Variants in PDSS2 observed in about 807,000 individuals in gnomAD.
PDSS2 encodes the protein decaprenyl diphosphate synthase subunit 2, also known as all trans-polyprenyl-diphosphate synthase PDSS2.
A neutral mutation model predicts 44.5 loss-of-function variants in PDSS2; 31 were observed. That is an observed-to-expected ratio of 0.70 (90% confidence interval 0.52 to 0.94). The LOEUF is 0.94. PDSS2 is among the 40% of genes least tolerant of loss of function. The pLI, the probability that PDSS2 is intolerant of heterozygous loss-of-function variation, is 0.00. For synonymous variants in PDSS2, 157 were observed against 180.3 expected (o/e 0.87, Z 1.03); for missense variants, 452 against 482.2 (o/e 0.94, Z 0.59).
At chr6:107,389,943 A>G (rs1779729365) in intron 1 of PDSS2, among the ~76,000 whole-genome samples, 1 of 152,170 alleles carries the variant, frequency 6.6e-6, no homozygotes. Flanking sequence ...GTGTTCAACA[A>G]AAGGATGGGG....
At chr6:107,313,328 T>A (rs1777102429) in intron 2 of PDSS2, among the ~76,000 whole-genome samples, 1 of 152,210 alleles carries the variant, frequency 6.6e-6, no homozygotes, top group Non-Finnish European at 1.5e-5. Context: ...ATAAATTGAC[T>A]AGGCTTAAAT....
At position 107,165,239 on chromosome 6, in the gene PDSS2, CG is replaced by C. The variant is rs1644957481; in HGVS notation, c.1042-10463del. On this transcript the variant is annotated intron_variant, in intron 7 of 7. Coordinates refer to ENST00000369037, the MANE Select transcript of PDSS2 (RefSeq NM_020381.4). ...GTGTTTTAGACATGAAGTCCTTGCC[CG>C]TGCCTATGTCCTGAATGGCATTGCC... 1.3e-5 allele frequency among the ~76,000 whole-genome samples: 2 copies of C among 152,098 alleles called. 1 individual carries two copies. Among genetic ancestry groups the C allele is most frequent in the South Asian group, 4.2e-4 (2 of 4,818 alleles).
chr6:107,391,669 A>C (rs1368435829), intron 1 of PDSS2, among the ~76,000 whole-genome samples: 3 of 152,142 alleles, frequency 2.0e-5, no homozygotes, highest in Non-Finnish European at 2.9e-5. Context: ...GCAAACTAGA[A>C]TTACTGCCAA....
intron 2 of PDSS2, among the ~76,000 whole-genome samples, chr6:107,295,351 C>T (rs1776478742): frequency 6.6e-6 from 1 of 152,078 alleles, no homozygotes; most frequent in South Asian, 2.1e-4. Flanking sequence ...ATGAAGGATG[C>T]CAATTATGTT....
intron 3 of PDSS2, among the ~76,000 whole-genome samples, chr6:107,273,087 C>A (rs974712189): frequency 3.3e-5 from 5 of 152,062 alleles, no homozygotes; most frequent in Non-Finnish European, 7.4e-5. Context: ...CGGGTTCAAG[C>A]GATTCTCCTG....
At chr6:107,237,921 G>T (rs1047346204) in intron 4 of PDSS2, among the ~76,000 whole-genome samples, 28 of 137,350 alleles carry the variant, frequency 2.0e-4, no homozygotes, top group Admixed American at 1.2e-3. Context: ...AAAAAGAAAA[G>T]AAAATAAATG....
chr6:107,458,875 G>T, intron 1 of PDSS2, 115 bp downstream of exon 1: 1 of 874,218 alleles, frequency 1.1e-6, no homozygotes, highest in Non-Finnish European at 1.9e-6. Flanking sequence ...TAAAAAGGAA[G>T]GACTAAAAAG....
intron 7 of PDSS2, among the ~76,000 whole-genome samples, chr6:107,158,154 G>A (rs1383714548): frequency 1.3e-5 from 2 of 151,216 alleles, no homozygotes; most frequent in African/African-American, 4.9e-5. Context: ...ATGGAGGCAG[G>A]CAGAGTAGAG....
In PDSS2 at chr6:107,216,483, A is replaced by C. The variant is rs141392074; in HGVS notation, c.703-4201T>G. Among the ~76,000 whole-genome samples, 414 of 151,912 alleles carry C rather than the reference A, an allele frequency of 2.7e-3. 2 individuals are homozygous for C. The highest frequency in any genetic ancestry group is 9.0e-3 in the African/African-American group (375 of 41,442). On this transcript the variant is annotated intron_variant, in intron 4 of 7. Transcript: ENST00000369037. The stretch of plus-strand genomic sequence containing the variant: ...GCCAGACTCCATCTCAAAGAAAACC[A>C]AAAAAAACAAAAAACAAAAAACAAA...
rs1273676778 is a variant in PDSS2 at position 107,165,256 on chromosome 6, T to C, written c.1042-10479A>G. Among the ~76,000 whole-genome samples the C allele has an allele frequency of 3.3e-5, 5 of 152,312 alleles. No individual in the cohort carries two copies. In the East Asian group the frequency reaches 9.6e-4, roughly 29 times the overall value. Reference sequence around the variant, plus strand: ...TCCTTGCCCGTGCCTATGTCCTGAATGGCATTGCCTAGGTTTTCTTCTAGG... The same window carrying C: ...TCCTTGCCCGTGCCTATGTCCTGAACGGCATTGCCTAGGTTTTCTTCTAGG... On this transcript the variant is annotated intron_variant, in intron 7 of 7. Transcript: ENST00000369037.
chr6:107,200,220 G>A (rs1230373349), intron 6 of PDSS2, among the ~76,000 whole-genome samples: 1 of 152,172 alleles, frequency 6.6e-6, no homozygotes, highest in Non-Finnish European at 1.5e-5. Context: ...CACTTCAAGA[G>A]GCATTGTGAC....
chr6:107,166,720 A>T (rs1315784700), intron 7 of PDSS2, among the ~76,000 whole-genome samples: 20 of 152,162 alleles, frequency 1.3e-4, no homozygotes, highest in Admixed American at 1.3e-3. Context: ...CCTTTTCTGC[A>T]TCTATTGAGA....
intron 4 of PDSS2, among the ~76,000 whole-genome samples, chr6:107,239,634 C>CTTTTTTTTTTT (rs1177940710): frequency 1.3e-5 from 1 of 76,926 alleles, no homozygotes; most frequent in Non-Finnish European, 2.3e-5. Context: ...TGTACTCTAC[C>CTTTTTTTTTTT]TTTTTTTTTT....
At chr6:107,349,961 TA>T (rs1340519033) in intron 1 of PDSS2, among the ~76,000 whole-genome samples, 1 of 152,230 alleles carries the variant, frequency 6.6e-6, no homozygotes, top group Non-Finnish European at 1.5e-5. Flanking sequence ...CGGCTTCCTT[TA>T]ATCTGGAACC....
rs541739354 is a variant in PDSS2 at position 107,256,279 on chromosome 6, C to T, written c.631-10660G>A. Among the ~76,000 whole-genome samples, 10 of 152,286 alleles carry T rather than the reference C, an allele frequency of 6.6e-5. No homozygotes were observed. In the East Asian group the frequency reaches 9.6e-4, roughly 15 times the overall value. The stretch of plus-strand genomic sequence containing the variant: ...GTGCTGGGATTACAGGTGTGAGCCA[C>T]GGTGCCCTGCCTGATGCTTAGCTTG... On this transcript the variant is annotated intron_variant, in intron 3 of 7. Transcript: ENST00000369037.
intron 1 of PDSS2, among the ~76,000 whole-genome samples, chr6:107,370,298 C>T (rs915878638): frequency 6.6e-6 from 1 of 152,170 alleles, no homozygotes; most frequent in Non-Finnish European, 1.5e-5. Context: ...ATTCACCAGT[C>T]ATTATTAGGA....
chr6:107,252,470 A>G, intron 3 of PDSS2, among the ~76,000 whole-genome samples: 1 of 152,208 alleles, frequency 6.6e-6, no homozygotes. Context: ...GGTAGCGAAG[A>G]GAGAGAAATG....
intron 1 of PDSS2, among the ~76,000 whole-genome samples, chr6:107,428,558 T>C (rs900938304): frequency 1.3e-5 from 2 of 152,212 alleles, no homozygotes; most frequent in Admixed American, 6.5e-5. Flanking sequence ...CCAGACGCAG[T>C]GGCTCATACC....
chr6:107,363,311 A>G (rs1304747399), intron 1 of PDSS2, among the ~76,000 whole-genome samples: 1 of 152,248 alleles, frequency 6.6e-6, no homozygotes, highest in Admixed American at 6.5e-5. Flanking sequence ...ATGAAGCCGC[A>G]GACCCTCGCG....
Sources: allele counts gnomAD v4.1 joint callset (sites outside exome capture counted in the v4.1 genomes callset), GRCh38; gene constraint gnomAD v4.1.1; transcripts MANE v1.5; gene names NCBI Gene and HGNC (gene_info 2026-07-23, HGNC 2026-07-21).